The following GPR108 variants were observed in gnomAD, a reference collection of about 807,000 sequenced individuals.
The protein encoded by GPR108 is protein GPR108.
A neutral mutation model predicts 74.3 loss-of-function variants in GPR108; 60 were observed. The observed-to-expected ratio is 0.81, with a 90% confidence interval of 0.66 to 1.00. The LOEUF is 1.00. Ranked by LOEUF, GPR108 falls within the 50% of genes least tolerant of loss-of-function variation. The pLI is 0.00. For synonymous variants in GPR108, 311 were observed against 292.4 expected (o/e 1.06, Z -0.65); for missense variants, 667 against 703.3 (o/e 0.95, Z 0.58).
chr19:6,737,065 C>T, intron 1 of GPR108: 1 of 383,468 alleles, frequency 2.6e-6, no homozygotes, highest in Non-Finnish European at 4.8e-6. Flanking sequence ...TTCAACAGAA[C>T]CCCCCAAATC....
At chr19:6,736,021 T>C (rs1299736306) in intron 2 of GPR108, 63 bp from the exon 3 acceptor site, 2 of 1,431,524 alleles carry the variant, frequency 1.4e-6, no homozygotes. Context: ...AGCTATCCCT[T>C]TCAGTAGCAA....
Position 6,729,988 on chromosome 19 carries a change from C to G in GPR108, c.*324G>C, listed in dbSNP as rs1298164283. ...GCGCCCCCGCCACACACAGCGAAAACAGGTTTCTACATTGTAAACACAACC... is the reference window on the plus strand; with the variant it reads ...GCGCCCCCGCCACACACAGCGAAAAGAGGTTTCTACATTGTAAACACAACC... On this transcript the variant is annotated 3_prime_UTR_variant, in exon 18 of 18. Coordinates refer to ENST00000264080, the MANE Select transcript of GPR108 (RefSeq NM_001080452.2). 3 of 330,032 alleles carry G rather than the reference C, an allele frequency of 9.1e-6. No homozygotes were observed. Among genetic ancestry groups the G allele is most frequent in the Non-Finnish European group, 1.7e-5 (3 of 176,836 alleles). 20.4% of individuals were successfully genotyped at this position (330,032 alleles called of 1,614,324 possible). A position where few individuals can be genotyped will look rare whatever the true frequency, so the allele number is the denominator to read the frequency against.
chr19:6,734,387 T>G, intron 4 of GPR108, 80 bp from the exon 5 acceptor site: 1 of 1,419,710 alleles, frequency 7.0e-7, no homozygotes. Flanking sequence ...AGTGGCCCCT[T>G]GGACCCTCTG....
At position 6,733,062 on chromosome 19, in the gene GPR108, C is replaced by T. The variant is rs1568238265; in HGVS notation, c.858G>A (p.Thr286=). Residue 286 remains threonine, a splice_region_variant and synonymous_variant, in exon 10 of 18, where the codon ACG becomes ACA. Coordinates refer to ENST00000264080, the MANE Select transcript of GPR108 (RefSeq NM_001080452.2). ...IFWVSILCRN[T]YSVFKIHWLM... is the part of the protein sequence containing the mutation. ...GCCAGTGGATCTTGAAGACGCTGTACCTGGTGGGAGGGTCAGGGAGAGATG... is the reference window on the plus strand; with the variant it reads ...GCCAGTGGATCTTGAAGACGCTGTATCTGGTGGGAGGGTCAGGGAGAGATG... The T allele has an allele frequency of 5.0e-6, 8 of 1,613,644 alleles. No individual in the cohort carries two copies. Among genetic ancestry groups the T allele is most frequent in the Non-Finnish European group, 5.9e-6 (7 of 1,179,840 alleles).
At chr19:6,736,364 T>C (rs1568241984) in intron 2 of GPR108, among the ~76,000 whole-genome samples, 1 of 152,164 alleles carries the variant, frequency 6.6e-6, no homozygotes. Context: ...CCCAAAGTGC[T>C]AGGACTACAA....
intron 4 of GPR108, among the ~76,000 whole-genome samples, chr19:6,734,977 C>T (rs1968575737): frequency 6.6e-6 from 1 of 151,900 alleles, no homozygotes; most frequent in Admixed American, 6.6e-5. Context: ...ACCTCCCCAG[C>T]TCAGGAGATC....
At position 6,731,012 on chromosome 19, in the gene GPR108, C is replaced by T. The variant is rs370329558; in HGVS notation, c.1534G>A (p.Glu512Lys). Residue 512 changes from glutamate (E) to lysine (K), a missense_variant, in exon 17 of 18, where the codon GAG becomes AAG. Physicochemically the swap from Glu to Lys is moderately conservative, Grantham distance 56 (BLOSUM62 1). Transcript: ENST00000264080. ...NPYLQLPQED[E>K]EDVQMEQVMT... is the part of the protein sequence containing the mutation. ...ACTTGCTCCATCTGAACATCCTCCT[C>T]GTCCTCCTGGGGCAGCTGCAGGTAC... 3.8e-5 allele frequency: 62 copies of T among 1,613,406 alleles called. No homozygotes were observed. Among genetic ancestry groups the T allele is most frequent in the African/African-American group, 6.7e-5 (5 of 74,842 alleles).
Position 6,732,996 on chromosome 19 carries a change from G to A in GPR108, c.924C>T (p.Leu308=), listed in dbSNP as rs1272115760. 1.9e-6 allele frequency: 3 copies of A among 1,600,506 alleles called. No homozygotes were observed. The highest frequency in any genetic ancestry group is 2.7e-5 in the African/African-American group (2 of 74,776). Residue 308 remains leucine, a synonymous_variant, in exon 10 of 18, where the codon CTC becomes CTT. Coordinates refer to ENST00000264080, the MANE Select transcript of GPR108 (RefSeq NM_001080452.2). ...ALAFTKSISL[L]FHSINYYFIN... ...GGTCCAAGGCTCTCACGCTGTGGAA[G>A]AGGAGAGAGATGCTCTTGGTGAAGG...
chr19:6,733,839 ACT>A lies in GPR108; in HGVS notation c.618+4_618+5del. On this transcript the variant is annotated splice_donor_5th_base_variant and intron_variant, in intron 7 of 17. Transcript: ENST00000264080. The stretch of plus-strand genomic sequence containing the variant: ...CGGAAGGGCCGCAGGCGCTGCAAAC[ACT>A]CACACTGAAGTTGTAGGAGTTGTTG... 6.2e-7 allele frequency: 1 copy of A among 1,613,888 alleles called. No individual in the cohort carries two copies.
intron 10 of GPR108, 99 bp downstream of exon 10, chr19:6,732,886 GGA>G: frequency 9.7e-7 from 1 of 1,030,580 alleles, no homozygotes; most frequent in South Asian, 1.5e-5. Flanking sequence ...GATAGCTGGC[GGA>G]TGGCCCTCCC....
At chr19:6,734,679 C>T (rs1968558513) in intron 4 of GPR108, among the ~76,000 whole-genome samples, 1 of 152,076 alleles carries the variant, frequency 6.6e-6, no homozygotes, top group Non-Finnish European at 1.5e-5. Context: ...GCAGATGGAA[C>T]CACAGGCGCA....
chr19:6,732,854 T>G (rs1438323045), intron 10 of GPR108, 133 bp downstream of exon 10: 1 of 775,042 alleles, frequency 1.3e-6, no homozygotes. Flanking sequence ...CTGGCCACAC[T>G]GGTAAAATGG....
Position 6,731,143 on chromosome 19 carries a change from C to T in GPR108, c.1435-32G>A, listed in dbSNP as rs173173. ...GACGGGGCGGAGTGGGGGCGTCAGG[C>T]GCACCCCCACCCCCACCGTGGCCGC... is the stretch of plus-strand genomic sequence containing the variant. On this transcript the variant is annotated intron_variant, in intron 16 of 17. Coordinates refer to ENST00000264080, the MANE Select transcript of GPR108 (RefSeq NM_001080452.2). The T allele has an allele frequency of 2.5e-5, 41 of 1,610,738 alleles. No individual in the cohort carries two copies. In the Middle Eastern group the frequency reaches 8.3e-4, roughly 32 times the overall value.
At chr19:6,735,452 A>G (rs1019632986) in intron 4 of GPR108, 170 bp downstream of exon 4, 4 of 615,882 alleles carry the variant, frequency 6.5e-6, no homozygotes, top group Non-Finnish European at 1.2e-5. Flanking sequence ...ACACCCGCGG[A>G]GTCCCTCTCT....
At chr19:6,733,122 G>T in intron 9 of GPR108, 46 bp downstream of exon 9, 1 of 1,613,638 alleles carries the variant, frequency 6.2e-7, no homozygotes, top group Non-Finnish European at 8.5e-7. Flanking sequence ...TAGGGATGGG[G>T]GTCTGGTGAA....
chr19:6,730,520 AC>A, intron 17 of GPR108, 136 bp from the exon 18 acceptor site: 1 of 677,014 alleles, frequency 1.5e-6, no homozygotes, highest in Non-Finnish European at 2.6e-6. Context: ...CCCCAGACTC[AC>A]CCAGGCTGCA....
At position 6,730,403 on chromosome 19, in the gene GPR108, G is replaced by T; in HGVS notation, c.1560-19C>A. ...CGTCATTCTGGGGGCAGACAGCGAG[G>T]AGGCGTCTAGCGTTGCAGGGCAGCA... On this transcript the variant is annotated intron_variant, in intron 17 of 17. Coordinates refer to ENST00000264080, the MANE Select transcript of GPR108 (RefSeq NM_001080452.2). 6.2e-7 allele frequency: 1 copy of T among 1,609,596 alleles called. No individual in the cohort carries two copies.
Position 6,734,228 on chromosome 19 carries a change from C to G in GPR108, c.454G>C (p.Gly152Arg), listed in dbSNP as rs745989346. ...GLLPEAPSKP[G>R]LPKPQATVPR... ...ACTGTGGCCTGTGGCTTCGGGAGCC[C>G]TGGTTTGGAGGGTGCTTCCGGGAGG... The change falls in exon 5 of 18, where the codon GGG (glycine) becomes CGG (arginine). Residue 152 changes from glycine to arginine, a missense_variant. Physicochemically the swap from Gly to Arg is moderately radical, Grantham distance 125. Transcript: ENST00000264080. 6.2e-7 allele frequency: 1 copy of G among 1,614,074 alleles called. No individual in the cohort carries two copies. The highest frequency in any genetic ancestry group is 8.5e-7 in the Non-Finnish European group (1 of 1,180,046).
Position 6,730,468 on chromosome 19 carries a change from C to T in GPR108, c.1560-84G>A, listed in dbSNP as rs1282776999. 56 of 1,132,414 alleles carry T rather than the reference C, an allele frequency of 4.9e-5. No homozygotes were observed. In the Admixed American group the frequency reaches 9.9e-4, roughly 20 times the overall value. The allele number at this position is 1,132,414 out of a possible 1,614,324, so 70.1% of individuals were successfully genotyped here. A position where few individuals can be genotyped will look rare whatever the true frequency, so the allele number is the denominator to read the frequency against. On this transcript the variant is annotated intron_variant, in intron 17 of 17. Transcript: ENST00000264080. ...TACCCGGAACCACTCAGGCCCCGCC[C>T]CACTCCCCCCAACCACAGCAGCCCT...
Sources: gnomAD v4.1 joint callset for allele counts (sites outside exome capture counted in the v4.1 genomes callset) on GRCh38, gnomAD v4.1.1 for gene constraint, MANE v1.5 for transcripts, NCBI Gene and HGNC (gene_info 2026-07-23, HGNC 2026-07-21) for gene names.